The following AGGF1 variants were observed in gnomAD, a reference collection of about 807,000 sequenced individuals.
AGGF1 encodes the protein angiogenic factor with G-patch and FHA domains 1.
A neutral mutation model predicts 86.5 loss-of-function variants in AGGF1; 56 were observed. That is an observed-to-expected ratio of 0.65 (90% CI 0.52 to 0.81). The LOEUF (loss-of-function observed/expected upper bound fraction) is 0.81. Among genes scored for constraint, AGGF1 ranks in the 30% least tolerant of loss-of-function variants. The pLI, the probability that AGGF1 is intolerant of heterozygous loss-of-function variation, is 0.00. For missense variants in AGGF1, 816 were observed against 850.9 expected (o/e 0.96, Z 0.51); for synonymous variants, 313 against 297.1 (o/e 1.05, Z -0.55).
At chr5:77,061,847 A>G in intron 13 of AGGF1, 45 bp downstream of exon 13, 8 of 1,554,658 alleles carry the variant, frequency 5.1e-6, no homozygotes, top group Non-Finnish European at 7.1e-6. Context: ...TAGAGCAGAC[A>G]TTTACCGTGT....
In AGGF1 at chr5:77,065,162, A is replaced by G. The variant is rs555836927; in HGVS notation, c.*1910A>G. ...AAAAGTAGTACAGATGTGAGCTTCT[A>G]TTTGTTTAGAAGCATAAATGTGAAT... On this transcript the variant is annotated 3_prime_UTR_variant, in exon 14 of 14. Transcript: ENST00000312916. The G allele has an allele frequency of 2.6e-5, 4 of 152,346 alleles. No individual in the cohort carries two copies. The East Asian group carries it at 7.7e-4, about 29-fold the overall frequency. The allele number at this position is 152,346 out of a possible 1,614,324, so 9.4% of individuals were successfully genotyped here. A position where few individuals can be genotyped will look rare whatever the true frequency, so the allele number is the denominator to read the frequency against.
In AGGF1 at chr5:77,030,788, CCGCCGCGGT is replaced by C; in HGVS notation, c.29_37del (p.Arg10_Pro12del). 1.3e-6 allele frequency: 2 copies of C among 1,588,534 alleles called. No individual in the cohort carries two copies. Among genetic ancestry groups the C allele is most frequent in the South Asian group, 1.1e-5 (1 of 89,550 alleles). On this transcript the variant is annotated inframe_deletion, in exon 1 of 14. Transcript: ENST00000312916. The stretch of plus-strand genomic sequence containing the variant: ...GCTCATGGCCTCGGAGGCGCCGTCC[CCGCCGCGGT>C]CGCCGCCGCCGCCCACCTCCCCCGA...
At position 77,047,154 on chromosome 5, in the gene AGGF1, C is replaced by CATG. The variant is rs1341561961; in HGVS notation, c.1201+478_1201+480dup. On this transcript the variant is annotated intron_variant, in intron 6 of 13. Transcript: ENST00000312916. ...CATATTACAGTTGGCCTTCTGTATCCATGGGTTCTACTTTAGTGGATTCAA... is the reference window on the plus strand; with the variant it reads ...CATATTACAGTTGGCCTTCTGTATCCATGATGGGTTCTACTTTAGTGGATTCAA... Among the ~76,000 whole-genome samples, 3 of 152,030 alleles carry CATG rather than the reference C, an allele frequency of 2.0e-5. No individual in the cohort carries two copies. The East Asian group carries it at 5.8e-4, about 29-fold the overall frequency.
At chr5:77,043,670 C>T (rs1375656906) in intron 5 of AGGF1, among the ~76,000 whole-genome samples, 1 of 129,966 alleles carries the variant, frequency 7.7e-6, no homozygotes, top group African/African-American at 2.9e-5. Context: ...GCTGGCCGGG[C>T]GGGGGGCTGA....
At chr5:77,045,829 C>G (rs772464874) in intron 5 of AGGF1, among the ~76,000 whole-genome samples, 2 of 152,220 alleles carry the variant, frequency 1.3e-5, no homozygotes, top group African/African-American at 2.4e-5. Context: ...TTTTGCTAAT[C>G]CAAACTCAAA....
chr5:77,044,641 A>G (rs1482888702), intron 5 of AGGF1, among the ~76,000 whole-genome samples: 1 of 152,172 alleles, frequency 6.6e-6, no homozygotes, highest in Non-Finnish European at 1.5e-5. Context: ...CTTTTTTAAG[A>G]GTATATACAG....
intron 6 of AGGF1, 65 bp from the exon 7 acceptor site, chr5:77,048,096 T>A: frequency 9.6e-7 from 1 of 1,037,846 alleles, no homozygotes; most frequent in South Asian, 1.3e-5. Flanking sequence ...TGCCTCCTAG[T>A]TATCCCTATG....
chr5:77,036,332 T>C (rs991504179), intron 3 of AGGF1, among the ~76,000 whole-genome samples: 6 of 152,218 alleles, frequency 3.9e-5, no homozygotes, highest in East Asian at 1.9e-4. Context: ...TCTCGAATAA[T>C]TGTCACTCAT....
chr5:77,037,063 A>G (rs959493600), intron 4 of AGGF1, among the ~76,000 whole-genome samples: 1 of 152,230 alleles, frequency 6.6e-6, no homozygotes, highest in African/African-American at 2.4e-5. Context: ...TGCATTTAAA[A>G]TTATATTTGA....
chr5:77,043,591 C>G (rs1251696229), intron 5 of AGGF1, among the ~76,000 whole-genome samples: 4 of 126,762 alleles, frequency 3.2e-5, no homozygotes, highest in African/African-American at 1.1e-4. Flanking sequence ...GGGCTGACCC[C>G]CCCCCCCCCG....
At chr5:77,048,791 G>C in intron 7 of AGGF1, 145 bp from the exon 8 acceptor site, 1 of 773,590 alleles carries the variant, frequency 1.3e-6, no homozygotes, top group Non-Finnish European at 2.2e-6. Flanking sequence ...TAGAGTAGCA[G>C]TAAGGAAACT....
chr5:77,047,403 A>C (rs529754943), intron 6 of AGGF1, among the ~76,000 whole-genome samples: 2 of 152,336 alleles, frequency 1.3e-5, no homozygotes, highest in South Asian at 4.1e-4. Context: ...GGACTTGAAC[A>C]TCCATAGATT....
At chr5:77,038,032 G>T (rs1453499730) in intron 4 of AGGF1, among the ~76,000 whole-genome samples, 1 of 152,150 alleles carries the variant, frequency 6.6e-6, no homozygotes. Context: ...ATAGAATGTG[G>T]TACACAAAAG....
chr5:77,054,826 T>C (rs1159244878), intron 10 of AGGF1, among the ~76,000 whole-genome samples: 1 of 152,208 alleles, frequency 6.6e-6, no homozygotes, highest in African/African-American at 2.4e-5. Flanking sequence ...AACTCTGTCA[T>C]ATAATATTAA....
At chr5:77,054,902 C>T (rs960228847) in intron 10 of AGGF1, among the ~76,000 whole-genome samples, 5 of 152,190 alleles carry the variant, frequency 3.3e-5, no homozygotes, top group African/African-American at 1.2e-4. Context: ...CTATTGATAG[C>T]TCGTGCTGTA....
At chr5:77,044,290 A>G (rs1205101434) in intron 5 of AGGF1, among the ~76,000 whole-genome samples, 2 of 152,164 alleles carry the variant, frequency 1.3e-5, no homozygotes, top group Non-Finnish European at 2.9e-5. Context: ...CCTGGGCACC[A>G]TTGAGCACTC....
rs189588364 is a variant in AGGF1 at position 77,052,093 on chromosome 5, T to C, written c.1366-613T>C. ...TTTGGCCAGGTGTGGTGGCTCATGC[T>C]TGTAATCCCAGCACTTTGGGAGGCT... On this transcript the variant is annotated intron_variant, in intron 8 of 13. Coordinates refer to ENST00000312916, the MANE Select transcript of AGGF1 (RefSeq NM_018046.5). Among the ~76,000 whole-genome samples, 1,184 of 152,284 alleles carry C rather than the reference T, an allele frequency of 7.8e-3. 6 individuals are homozygous for C. The highest frequency in any genetic ancestry group is 0.011 in the Non-Finnish European group (717 of 68,004).
intron 5 of AGGF1, among the ~76,000 whole-genome samples, 163 bp downstream of exon 5, chr5:77,039,882 A>C (rs1561284986): frequency 2.0e-5 from 3 of 152,220 alleles, no homozygotes; most frequent in Non-Finnish European, 1.5e-5. Flanking sequence ...ACTTTTTCAT[A>C]AACTCTGTCA....
intron 2 of AGGF1, among the ~76,000 whole-genome samples, chr5:77,035,207 T>C (rs1410379389): frequency 6.6e-6 from 1 of 152,194 alleles, no homozygotes; most frequent in Non-Finnish European, 1.5e-5. Context: ...AGGTATCCAG[T>C]TAGAAGTTAA....
Sources: gnomAD v4.1 joint callset for allele counts (sites outside exome capture counted in the v4.1 genomes callset) on GRCh38, gnomAD v4.1.1 for gene constraint, MANE v1.5 for transcripts, NCBI Gene and HGNC (gene_info 2026-07-23, HGNC 2026-07-21) for gene names.